SEMA6C: variants seen among roughly 807,000 people sequenced by gnomAD.
SEMA6C encodes the protein semaphorin 6C.
In SEMA6C, 37 loss-of-function variants were observed where a neutral mutation model predicts 72.9. That is an observed-to-expected ratio of 0.51 (90% CI 0.39 to 0.67). The LOEUF is 0.67. SEMA6C is among the 30% of genes least tolerant of loss of function. The pLI is 0.00. For synonymous variants in SEMA6C, 578 were observed against 554.1 expected (o/e 1.04, Z -0.61); for missense variants, 1,189 against 1,263.6 (o/e 0.94, Z 0.89).
rs987236630 is a variant in SEMA6C, at chr1:151,145,522, C to T, written c.-105+911G>A. 3.9e-5 allele frequency: 6 copies of T among 152,440 alleles called. No individual in the cohort carries two copies. The highest frequency in any genetic ancestry group is 6.5e-5 in the Admixed American group (1 of 15,296). The allele number at this position is 152,440 out of a possible 1,614,324, so 9.4% of individuals were successfully genotyped here. A position where few individuals can be genotyped will look rare whatever the true frequency, so the allele number is the denominator to read the frequency against. ...ACCAGGACAATCCAGGTGTCTAAAG[C>T]CTCGAAAAGAGGTGGGCCTAGGGCC... is the stretch of plus-strand genomic sequence containing the variant. On this transcript the variant is annotated intron_variant, in intron 1 of 18. Coordinates refer to ENST00000368914, the MANE Select transcript of SEMA6C (RefSeq NM_030913.6). This position sits in a 1 kb window ranked among gnomAD's most constrained non-coding sequence, Gnocchi z 4.4.
At chr1:151,134,036 A>T in intron 18 of SEMA6C, 1 of 1,531,292 alleles carries the variant, frequency 6.5e-7, no homozygotes, top group Non-Finnish European at 8.8e-7. Flanking sequence ...TCCCAGGGGA[A>T]GGGCCAGGAC....
In SEMA6C at chr1:151,133,417, G is replaced by A; in HGVS notation, c.1860C>T (p.Val620=). ...AAGCACAGGAGACCAGGAGGCCAGA[G>A]ACTGAGGCGCCCAGGGCAAAAGCTG... is the stretch of plus-strand genomic sequence containing the variant. ...VAAAFALGAS[V]SGLLVSCACR... The change falls in exon 19 of 19, where the codon GTC becomes GTT. Residue 620 remains valine (V), a synonymous_variant. Coordinates refer to ENST00000368914, the MANE Select transcript of SEMA6C (RefSeq NM_030913.6). This position sits in a 1 kb window ranked among gnomAD's most constrained non-coding sequence, Gnocchi z 5.9. The A allele has an allele frequency of 6.3e-7, 1 of 1,592,922 alleles. No individual in the cohort carries two copies. Among genetic ancestry groups the A allele is most frequent in the African/African-American group, 1.3e-5 (1 of 74,706 alleles).
intron 10 of SEMA6C, among the ~76,000 whole-genome samples, 199 bp from the exon 11 acceptor site, chr1:151,137,273 A>G (rs587621162): frequency 1.8e-4 from 27 of 152,120 alleles, no homozygotes; most frequent in South Asian, 4.2e-4. Flanking sequence ...GTGAAACCCC[A>G]TCTCTACTAA....
chr1:151,138,287 G>A lies in SEMA6C; in HGVS notation c.547+29C>T, dbSNP rs773930318. The A allele has an allele frequency of 6.2e-6, 10 of 1,609,908 alleles. No homozygotes were observed. In the African/African-American group the frequency reaches 1.3e-4, roughly 22 times the overall value. On this transcript the variant is annotated intron_variant, in intron 8 of 18. Transcript: ENST00000368914. ...AGGTGGGAGCTCCCTCCAGCCACAT[G>A]CTTTCTTCTCACATGCCCAGTTGCA...
At chr1:151,143,495 C>A (rs116988254) in intron 2 of SEMA6C, among the ~76,000 whole-genome samples, 4 of 152,292 alleles carry the variant, frequency 2.6e-5, no homozygotes, top group East Asian at 3.9e-4. Flanking sequence ...AGACCCACCC[C>A]CTATGAGAAG....
rs757780137 is a variant in SEMA6C, at chr1:151,136,030, G to A, written c.1240C>T (p.Leu414=). The A allele has an allele frequency of 1.2e-6, 2 of 1,614,166 alleles. No homozygotes were observed. Among genetic ancestry groups the A allele is most frequent in the South Asian group, 1.1e-5 (1 of 91,086 alleles). Residue 414 remains leucine (L), a synonymous_variant, in exon 13 of 19, where the codon CTA becomes TTA. Transcript: ENST00000368914. ...CCATACCTGCTAGTGAGAGTGAGTA[G>A]AGGCTGATGGGTGACAGGTGGTACA... The part of the protein sequence containing the change: ...PAVPPVTHQP[L]LTLTSRALLT...
At position 151,133,122 on chromosome 1, in the gene SEMA6C, AG is replaced by A; in HGVS notation, c.2154del (p.Trp719GlyfsTer32). On this transcript the variant is annotated frameshift_variant, in exon 19 of 19. Transcript: ENST00000368914. LOFTEE classifies it low-confidence loss of function (END_TRUNC). The surrounding 1 kb of genome is among the most constrained non-coding windows in gnomAD (Gnocchi z 5.9). ...PVKHLRAAGD[P>X]WEWNQNRNNA... ...TTGTTCCTGTTCTGGTTCCACTCCC[AG>A]GGGTCCCCGGCGGCGCGGAGGTGCT... 6.4e-7 allele frequency: 1 copy of A among 1,565,506 alleles called. No individual in the cohort carries two copies. Among genetic ancestry groups the A allele is most frequent in the Admixed American group, 1.8e-5 (1 of 54,436 alleles).
chr1:151,132,449 G>T lies in SEMA6C; in HGVS notation c.*35C>A, dbSNP rs1226004946. Reference sequence around the variant, plus strand: ...CCAGCTCGTGGCCGAGAGGACTCGGGCGCTCCCCACGCTGGAGGCCGTGGG... The same window carrying T: ...CCAGCTCGTGGCCGAGAGGACTCGGTCGCTCCCCACGCTGGAGGCCGTGGG... On this transcript the variant is annotated 3_prime_UTR_variant, in exon 19 of 19. Coordinates refer to ENST00000368914, the MANE Select transcript of SEMA6C (RefSeq NM_030913.6). 1.3e-6 allele frequency: 2 copies of T among 1,536,094 alleles called. No homozygotes were observed. The highest frequency in any genetic ancestry group is 2.4e-5 in the South Asian group (2 of 82,628).
At chr1:151,140,379 G>A (rs1276106011) in intron 3 of SEMA6C, among the ~76,000 whole-genome samples, 1 of 152,230 alleles carries the variant, frequency 6.6e-6, no homozygotes, top group East Asian at 1.9e-4. Context: ...ATTTAGCTGG[G>A]AAGTGGCAGG....
Position 151,132,559 on chromosome 1 carries a change from CTG to C in SEMA6C, c.2716_2717del (p.Gln906ValfsTer121). 6.4e-7 allele frequency: 1 copy of C among 1,551,378 alleles called. No homozygotes were observed. The highest frequency in any genetic ancestry group is 1.2e-5 in the South Asian group (1 of 84,126). On this transcript the variant is annotated frameshift_variant, in exon 19 of 19. Transcript: ENST00000368914. LOFTEE classifies it low-confidence loss of function (END_TRUNC). ...ALKRVDVEKP[Q>X]LSLKPPLVGP... ...CGACGAGGGGAGGCTTCAGGGACAA[CTG>C]GGGCTTCTCGACGTCCACCCTTTTC...
Position 151,132,637 on chromosome 1 carries a change from C to G in SEMA6C, c.2640G>C (p.Gly880=). The G allele has an allele frequency of 6.4e-7, 1 of 1,550,442 alleles. No individual in the cohort carries two copies. The highest frequency in any genetic ancestry group is 8.7e-7 in the Non-Finnish European group (1 of 1,146,890). Residue 880 remains glycine (G), a synonymous_variant, in exon 19 of 19, where the codon GGG becomes GGC. Transcript: ENST00000368914. ...GCCGGCCCAGGTACAGGAGGTGCTTCCCGGGACCCCCGGAGTACCTGGAGG... is the reference window on the plus strand; with the variant it reads ...GCCGGCCCAGGTACAGGAGGTGCTTGCCGGGACCCCCGGAGTACCTGGAGG... The part of the protein sequence containing the change: ...GGPSRYSGGP[G]KHLLYLGRPE...
At chr1:151,134,581 G>A in intron 17 of SEMA6C, 39 bp downstream of exon 17, 1 of 1,612,566 alleles carries the variant, frequency 6.2e-7, no homozygotes. Flanking sequence ...ATGGCCATGT[G>A]CAGCTTTGGC....
chr1:151,144,033 A>G (rs1157787229), intron 2 of SEMA6C, among the ~76,000 whole-genome samples: 2 of 152,058 alleles, frequency 1.3e-5, no homozygotes, highest in African/African-American at 4.8e-5. Flanking sequence ...AGAGAGCTGA[A>G]GAAAGGAAAA....
Position 151,133,996 on chromosome 1 carries a change from G to T in SEMA6C, c.1759+405C>A. On this transcript the variant is annotated intron_variant, in intron 18 of 18. Coordinates refer to ENST00000368914, the MANE Select transcript of SEMA6C (RefSeq NM_030913.6). This position sits in a 1 kb window ranked among gnomAD's most constrained non-coding sequence, Gnocchi z 5.9. ...ACTCCAAGAGTGGAAGACTGGGGCCGGGGGTGGGCATCACTGGGAGGACTG... is the reference window on the plus strand; with the variant it reads ...ACTCCAAGAGTGGAAGACTGGGGCCTGGGGTGGGCATCACTGGGAGGACTG... 1 of 1,491,290 alleles carries T rather than the reference G, an allele frequency of 6.7e-7. No individual in the cohort carries two copies. The highest frequency in any genetic ancestry group is 9.1e-7 in the Non-Finnish European group (1 of 1,096,308). The allele number at this position is 1,491,290 out of a possible 1,614,324, so 92.4% of individuals were successfully genotyped here.
Position 151,132,894 on chromosome 1 carries a change from G to T in SEMA6C, c.2383C>A (p.Leu795Ile). 1 of 1,323,516 alleles carries T rather than the reference G, an allele frequency of 7.6e-7. No homozygotes were observed. 82.0% of individuals were successfully genotyped at this position (1,323,516 alleles called of 1,614,324 possible). ...EPPAPLTSRALPPEPAPALLG... is the reference protein window; with the variant it reads ...EPPAPLTSRAIPPEPAPALLG... ...AGGGCGGGGGCGGGCTCCGGCGGGA[G>T]CGCCCGCGAGGTTAAAGGGGCGGGG... Residue 795 changes from leucine to isoleucine, a missense_variant, in exon 19 of 19, where the codon CTC (leucine) becomes ATC (isoleucine). This residue lies in a region of SEMA6C where 721 missense variants were observed against 686.2 expected (regional missense o/e 1.05). Coordinates refer to ENST00000368914, the MANE Select transcript of SEMA6C (RefSeq NM_030913.6).
chr1:151,144,153 C>T (rs890273167), intron 2 of SEMA6C, among the ~76,000 whole-genome samples: 5 of 152,154 alleles, frequency 3.3e-5, no homozygotes, highest in Admixed American at 2.6e-4. Context: ...GACATGTTTC[C>T]GGATACTGTT....
intron 12 of SEMA6C, 35 bp downstream of exon 12, chr1:151,136,413 T>G (rs202109569): frequency 3.1e-6 from 5 of 1,607,812 alleles, no homozygotes; most frequent in Admixed American, 1.7e-5. Flanking sequence ...CGCTGCTTGC[T>G]TCTGCCCCCA....
intron 13 of SEMA6C, 53 bp downstream of exon 13, chr1:151,135,958 A>G: frequency 1.2e-6 from 2 of 1,609,368 alleles, no homozygotes; most frequent in Non-Finnish European, 1.7e-6. Flanking sequence ...TCAAAGAAAG[A>G]GGAGGGTGGC....
rs1251556664 is a variant in SEMA6C, at chr1:151,135,743, A to T, written c.1281T>A (p.Ala427=). ...LTSRALLTQV[A]VDGMAGPHSN... ...TGTGGGGACCAGCCATGCCATCCAC[A>T]GCTACTTGGGTCAGTAGGGCCCTGG... The change falls in exon 14 of 19, where the codon GCT becomes GCA. Residue 427 remains alanine, a synonymous_variant. Coordinates refer to ENST00000368914, the MANE Select transcript of SEMA6C (RefSeq NM_030913.6). 1 of 1,614,166 alleles carries T rather than the reference A, an allele frequency of 6.2e-7. No individual in the cohort carries two copies. The highest frequency in any genetic ancestry group is 8.5e-7 in the Non-Finnish European group (1 of 1,180,006).
Sources: gnomAD v4.1 joint callset for allele counts (sites outside exome capture counted in the v4.1 genomes callset) on GRCh38, gnomAD v4.1.1 for gene constraint, gnomAD v4.1.1 regional missense constraint, Gnocchi (gnomAD v3.1) non-coding constraint, MANE v1.5 for transcripts, NCBI Gene and HGNC (gene_info 2026-07-23, HGNC 2026-07-21) for gene names.